The following TPTE2 variants were observed in gnomAD, a reference collection of about 807,000 sequenced individuals.
TPTE2 encodes phosphatidylinositol 3,4,5-trisphosphate 3-phosphatase TPTE2.
A neutral mutation model predicts 78.6 loss-of-function variants in TPTE2; 53 were observed. The observed-to-expected ratio is 0.67, with a 90% confidence interval of 0.54 to 0.85. TPTE2 has a LOEUF of 0.85. Among genes scored for constraint, TPTE2 ranks in the 40% least tolerant of loss-of-function variants. The pLI is 0.00. For synonymous variants in TPTE2, 175 were observed against 206.2 expected (o/e 0.85, Z 1.30); for missense variants, 461 against 623.0 (o/e 0.74, Z 2.77).
intron 13 of TPTE2, chr13:19,438,545 C>T (rs1214449780): frequency 4.6e-6 from 2 of 433,244 alleles, no homozygotes; most frequent in Non-Finnish European, 6.1e-6. Flanking sequence ...GAAGAAAAGA[C>T]ATTTTTACAC....
chr13:19,435,742 AACACACAGAAAAGACAC>A (rs1877029110), intron 15 of TPTE2, among the ~76,000 whole-genome samples: 1 of 137,416 alleles, frequency 7.3e-6, no homozygotes, highest in Non-Finnish European at 1.5e-5. Context: ...TCTCCCCCAC[AACACACAGAAAAGACAC>A]ACACACACAC....
At chr13:19,532,486 C>A (rs1870947951) in intron 1 of TPTE2, among the ~76,000 whole-genome samples, 1 of 152,176 alleles carries the variant, frequency 6.6e-6, no homozygotes, top group Non-Finnish European at 1.5e-5. Context: ...AGAGACTAGA[C>A]CCTCACCAGA....
chr13:19,529,506 T>C (rs1465496470), intron 1 of TPTE2, among the ~76,000 whole-genome samples: 1 of 152,222 alleles, frequency 6.6e-6, no homozygotes, highest in Non-Finnish European at 1.5e-5. Flanking sequence ...ACAGTAATAA[T>C]AGTGAACACA....
chr13:19,454,201 T>C (rs1878389567), intron 10 of TPTE2, among the ~76,000 whole-genome samples: 1 of 152,168 alleles, frequency 6.6e-6, no homozygotes, highest in Non-Finnish European at 1.5e-5. Context: ...ACTTATGAAA[T>C]TGTAATGTCT....
chr13:19,544,486 C>T, the TPTE2 span, among the ~76,000 whole-genome samples: 1 of 152,022 alleles, frequency 6.6e-6, no homozygotes, highest in African/African-American at 2.4e-5. Flanking sequence ...AGAGGATATA[C>T]TATATACAAA....
chr13:19,482,620 A>G (rs1317306482), intron 3 of TPTE2, 73 bp from the exon 7 acceptor site: 9 of 1,568,226 alleles, frequency 5.7e-6, no homozygotes, highest in Non-Finnish European at 1.7e-6. Flanking sequence ...TGAAAAATAT[A>G]TTTGAATAAC....
At chr13:19,513,119 CTGAGTA>C (rs1466148958) in intron 1 of TPTE2, among the ~76,000 whole-genome samples, 4 of 152,162 alleles carry the variant, frequency 2.6e-5, no homozygotes, top group Non-Finnish European at 5.9e-5. Context: ...AAATAACTTT[CTGAGTA>C]TAACACACAC....
chr13:19,496,716 C>A (rs189331765), intron 1 of TPTE2, among the ~76,000 whole-genome samples: 8 of 152,192 alleles, frequency 5.3e-5, no homozygotes, highest in African/African-American at 1.9e-4. Context: ...AGGATTTTCT[C>A]CTCCCTTCTG....
intron 1 of TPTE2, 33 bp from the exon 5 acceptor site, chr13:19,493,534 G>A (rs1445265250): frequency 6.2e-7 from 1 of 1,602,060 alleles, no homozygotes; most frequent in South Asian, 1.1e-5. Context: ...AGTCAGAGAG[G>A]AGACATAATT....
At chr13:19,450,124 C>T in exon 13 of TPTE2, 1 of 1,611,402 alleles carries the variant, frequency 6.2e-7, no homozygotes, top group Admixed American at 1.7e-5. Context: ...AGATCTTGAG[C>T]CATCCACTCA....
intron 1 of TPTE2, among the ~76,000 whole-genome samples, chr13:19,524,334 C>T (rs979956775): frequency 4.6e-5 from 7 of 152,184 alleles, no homozygotes; most frequent in Admixed American, 1.3e-4. Flanking sequence ...TACTCTTAGG[C>T]TGGAATTTGA....
At chr13:19,507,430 A>T (rs777902837), upstream of TPTE2, among the ~76,000 whole-genome samples, 8 of 152,130 alleles carry the variant, frequency 5.3e-5, no homozygotes, top group African/African-American at 1.2e-4. Context: ...TTAGGAGAGC[A>T]TTAGGCTGGC....
chr13:19,526,706 T>C (rs1870524746), intron 1 of TPTE2, among the ~76,000 whole-genome samples: 1 of 151,880 alleles, frequency 6.6e-6, no homozygotes, highest in Non-Finnish European at 1.5e-5. Flanking sequence ...ACATGTACCC[T>C]TGAACCTAAA....
intron 1 of TPTE2, among the ~76,000 whole-genome samples, chr13:19,525,950 C>T (rs1278369362): frequency 6.6e-6 from 1 of 152,074 alleles, no homozygotes; most frequent in Non-Finnish European, 1.5e-5. Context: ...TGCTCAACAT[C>T]ACTAATACTA....
At chr13:19,549,781 G>A in the TPTE2 span, among the ~76,000 whole-genome samples, 449 of 56,742 alleles carry the variant, frequency 7.9e-3, 18 homozygotes, top group East Asian at 0.04. Flanking sequence ...GATTTGATAA[G>A]GAAAATGGGG....
intron 1 of TPTE2, among the ~76,000 whole-genome samples, chr13:19,516,460 C>T (rs1869800050): frequency 6.6e-6 from 1 of 152,170 alleles, no homozygotes; most frequent in Non-Finnish European, 1.5e-5. Flanking sequence ...CCACCATACA[C>T]CTTTATCCTG....
chr13:19,489,588 A>G (rs2137631449), intron 3 of TPTE2, among the ~76,000 whole-genome samples: 1 of 150,456 alleles, frequency 6.6e-6, no homozygotes, highest in African/African-American at 2.4e-5. Context: ...AGATATGTAT[A>G]TATAGATATA....
chr13:19,431,139 A>AG (rs1195686475), intron 16 of TPTE2, among the ~76,000 whole-genome samples: 1 of 151,946 alleles, frequency 6.6e-6, no homozygotes, highest in African/African-American at 2.4e-5. Flanking sequence ...AAAAAAAAAA[A>AG]AGAAAAAGAA....
chr13:19,544,255 T>C, the TPTE2 span, among the ~76,000 whole-genome samples: 3 of 152,192 alleles, frequency 2.0e-5, no homozygotes, highest in South Asian at 2.1e-4. Flanking sequence ...CATAGGTAGA[T>C]TGAAAGTAAA....
Sources: allele counts gnomAD v4.1 joint callset (sites outside exome capture counted in the v4.1 genomes callset), GRCh38; gene constraint gnomAD v4.1.1; transcripts MANE v1.5; gene names NCBI Gene and HGNC (gene_info 2026-07-23, HGNC 2026-07-21).